DNAJA1: variants seen among roughly 807,000 people sequenced by gnomAD.
DNAJA1 encodes DnaJ heat shock protein family (Hsp40) member A1.
Under a neutral mutation model 47.6 loss-of-function variants are expected in DNAJA1, and 26 were observed. The observed-to-expected ratio is 0.55, with a 90% CI of 0.40 to 0.76. The LOEUF (loss-of-function observed/expected upper bound fraction) is 0.76, where lower values mean the gene tolerates loss of function less well. Ranked by LOEUF, DNAJA1 falls within the 30% of genes least tolerant of loss-of-function variation. The pLI, the probability that DNAJA1 is intolerant of heterozygous loss-of-function variation, is 0.00. For synonymous variants in DNAJA1, 165 were observed against 158.4 expected, an observed-to-expected ratio of 1.04 and a Z score of -0.31; for missense variants, 315 against 485.0, an observed-to-expected ratio of 0.65 and a Z score of 3.29.
intron 5 of DNAJA1, among the ~76,000 whole-genome samples, chr9:33,033,330 C>A (rs1420667281): frequency 6.6e-6 from 1 of 151,990 alleles, no homozygotes; most frequent in Admixed American, 6.6e-5. Context: ...AGGGTGCTAT[C>A]CTCAGGGTAT....
At position 33,037,422 on chromosome 9, in the gene DNAJA1, C is replaced by T. The variant is rs1839054392; in HGVS notation, c.975+307C>T. ...CTGGCCACGTGCCACTGGCACACAC[C>T]TATAATCCCAGTGCTTTGGGAGGCC... On this transcript the variant is annotated intron_variant, in intron 8 of 8. Transcript: ENST00000330899. 1.5e-5 allele frequency: 3 copies of T among 203,866 alleles called. No homozygotes were observed. In the South Asian group the frequency reaches 2.6e-4, roughly 17 times the overall value. The allele number at this position is 203,866 out of a possible 1,614,324, so 12.6% of individuals were successfully genotyped here.
At chr9:33,037,753 G>A (rs978462467) in intron 8 of DNAJA1, among the ~76,000 whole-genome samples, 1 of 152,142 alleles carries the variant, frequency 6.6e-6, no homozygotes. Context: ...AACAAGTTGA[G>A]GATGGGGTTT....
chr9:33,025,551 C>T (rs1041820092), intron 1 of DNAJA1, among the ~76,000 whole-genome samples, 168 bp downstream of exon 1: 2 of 152,214 alleles, frequency 1.3e-5, no homozygotes, highest in Non-Finnish European at 2.9e-5. Flanking sequence ...CCTGGCAACC[C>T]ATCCCCGGCA....
intron 5 of DNAJA1, 78 bp downstream of exon 5, chr9:33,030,745 ATCAT>A (rs1265610327): frequency 1.7e-5 from 21 of 1,220,580 alleles, no homozygotes; most frequent in Non-Finnish European, 2.3e-5. Context: ...TTGTTTAAAA[ATCAT>A]TCTTAATTAG....
In DNAJA1 at chr9:33,037,106, C is replaced by T. The variant is rs753428735; in HGVS notation, c.966C>T (p.Ile322=). 6.8e-6 allele frequency: 11 copies of T among 1,613,528 alleles called. No homozygotes were observed. The highest frequency in any genetic ancestry group is 3.3e-5 in the South Asian group (3 of 91,018). The change falls in exon 8 of 9, where the codon ATC becomes ATT. Residue 322 remains isoleucine, a synonymous_variant. Coordinates refer to ENST00000330899, the MANE Select transcript of DNAJA1 (RefSeq NM_001539.4). ...CATATGAAAAGGGTCGCCTAATCAT[C>T]GAATTTAAGGTAAGCTGTAATGTAC... is the stretch of plus-strand genomic sequence containing the variant. ...RRPYEKGRLI[I]EFKVNFPENG...
chr9:33,035,015 C>T (rs750760142), intron 6 of DNAJA1, among the ~76,000 whole-genome samples: 1 of 145,146 alleles, frequency 6.9e-6, no homozygotes, highest in African/African-American at 2.6e-5. Flanking sequence ...GCATTCTAGC[C>T]TGGGTGACAG....
At chr9:33,029,800 C>A (rs1007440033) in intron 3 of DNAJA1, 85 bp from the exon 4 acceptor site, 5 of 1,095,256 alleles carry the variant, frequency 4.6e-6, no homozygotes, top group Admixed American at 2.4e-5. Flanking sequence ...TTTTATTATT[C>A]TTTGCCACAT....
intron 3 of DNAJA1, 146 bp downstream of exon 3, chr9:33,027,136 C>G: frequency 1.2e-6 from 1 of 852,718 alleles, no homozygotes; most frequent in Non-Finnish European, 1.7e-6. Flanking sequence ...TTTATGGTGT[C>G]GTGTTTTTTT....
Position 33,026,807 on chromosome 9 carries a change from A to C in DNAJA1, c.133-6A>C. The C allele has an allele frequency of 6.2e-7, 1 of 1,606,864 alleles. No homozygotes were observed. The highest frequency in any genetic ancestry group is 2.2e-5 in the East Asian group (1 of 44,832). ...AAATGAAATTCACTCCTCTTTTCTCAAACAGTTTAAACAGATTTCTCAAGC... is the reference window on the plus strand; with the variant it reads ...AAATGAAATTCACTCCTCTTTTCTCCAACAGTTTAAACAGATTTCTCAAGC... On this transcript the variant is annotated splice_region_variant and splice_polypyrimidine_tract_variant and intron_variant, in intron 2 of 8. Transcript: ENST00000330899.
chr9:33,036,719 C>G (rs10813926), intron 7 of DNAJA1, 30 bp downstream of exon 7: 141,396 of 1,488,064 alleles, frequency 0.095, 7,707 homozygotes, highest in Non-Finnish European at 0.11. Flanking sequence ...TTAAACTTCT[C>G]TTTTCTATTC....
chr9:33,026,534 C>A lies in DNAJA1; in HGVS notation c.50C>A (p.Ala17Asp). ...YYDVLGVKPN[A>D]TQEELKKAYR... The stretch of plus-strand genomic sequence containing the variant: ...GATGTTTTGGGGGTCAAACCCAATG[C>A]TACTCAGGAAGAATTGAAAAAGGCT... Residue 17 changes from alanine (A) to aspartate (D), a missense_variant, in exon 2 of 9, where the codon GCT (alanine) becomes GAT (aspartate). Ala to Asp is a moderately radical substitution (Grantham distance 126). Around this residue, in one of 4 missense-constraint regions of DNAJA1, gnomAD observed 100 missense variants for 163.0 expected, o/e 0.61. Transcript: ENST00000330899. The A allele has an allele frequency of 6.2e-7, 1 of 1,611,680 alleles. No homozygotes were observed. Among genetic ancestry groups the A allele is most frequent in the Non-Finnish European group, 8.5e-7 (1 of 1,179,468 alleles).
chr9:33,029,239 C>G (rs1428474422), intron 3 of DNAJA1, among the ~76,000 whole-genome samples: 1 of 152,194 alleles, frequency 6.6e-6, no homozygotes, highest in African/African-American at 2.4e-5. Flanking sequence ...TTGGACAGAA[C>G]AGATATAAAA....
chr9:33,037,186 T>G (rs1224157110), intron 8 of DNAJA1, 71 bp downstream of exon 8: 1 of 1,387,586 alleles, frequency 7.2e-7, no homozygotes, highest in South Asian at 1.3e-5. Flanking sequence ...AAAGTAAAAT[T>G]TCAGCCAGGT....
At position 33,027,005 on chromosome 9, in the gene DNAJA1, G is replaced by A. The variant is rs774310814; in HGVS notation, c.310+15G>A. 1 of 1,613,794 alleles carries A rather than the reference G, an allele frequency of 6.2e-7. No homozygotes were observed. Among genetic ancestry groups the A allele is most frequent in the African/African-American group, 1.3e-5 (1 of 74,892 alleles). ...AGAAAGGAGAGGTAAGAAGAATCTA[G>A]TCTTTGTGCAGCTAACTAAAGTTAG... On this transcript the variant is annotated intron_variant, in intron 3 of 8. Coordinates refer to ENST00000330899, the MANE Select transcript of DNAJA1 (RefSeq NM_001539.4).
chr9:33,030,079 G>A (rs1050109134), intron 4 of DNAJA1, 90 bp downstream of exon 4: 19 of 1,262,322 alleles, frequency 1.5e-5, no homozygotes, highest in East Asian at 4.9e-5. Context: ...AGATAGATAT[G>A]TAAAATTGAT....
chr9:33,029,389 C>T (rs1200186989), intron 3 of DNAJA1, among the ~76,000 whole-genome samples: 1 of 152,218 alleles, frequency 6.6e-6, no homozygotes, highest in African/African-American at 2.4e-5. Flanking sequence ...AATTGATACT[C>T]TTCTGTGGTG....
At chr9:33,037,262 T>A in intron 8 of DNAJA1, 147 bp downstream of exon 8, 5 of 558,730 alleles carry the variant, frequency 8.9e-6, no homozygotes, top group Non-Finnish European at 1.5e-5. Flanking sequence ...CCTTGAGCCC[T>A]GGAGTTTTGA....
chr9:33,030,331 A>G (rs1031195534), intron 4 of DNAJA1, 109 bp from the exon 5 acceptor site: 9 of 1,038,630 alleles, frequency 8.7e-6, no homozygotes, highest in Non-Finnish European at 1.3e-5. Flanking sequence ...GCATTCCATC[A>G]GGCTTCGAAA....
chr9:33,029,314 T>TC (rs143822712), intron 3 of DNAJA1, among the ~76,000 whole-genome samples: 541 of 152,344 alleles, frequency 3.6e-3, no homozygotes, highest in African/African-American at 0.012. Flanking sequence ...AATTTGGCCT[T>TC]CAAAACAACC....
Sources: allele counts gnomAD v4.1 joint callset (sites outside exome capture counted in the v4.1 genomes callset), GRCh38; gene constraint gnomAD v4.1.1; regional missense constraint gnomAD v4.1.1; transcripts MANE v1.5; gene names NCBI Gene and HGNC (gene_info 2026-07-23, HGNC 2026-07-21).